The following OR8K3 variants were observed in gnomAD, a reference collection of about 807,000 sequenced individuals.
OR8K3 encodes olfactory receptor 8K3.
For missense variants in OR8K3, 448 were observed against 367.4 expected, an observed-to-expected ratio of 1.22 and a Z score of -1.79; for synonymous variants, 167 against 138.8, an observed-to-expected ratio of 1.20 and a Z score of -1.43.
chr11:56,315,782 G>GAAA (rs142694640), intron 1 of OR8K3, among the ~76,000 whole-genome samples: 19 of 147,272 alleles, frequency 1.3e-4, no homozygotes, highest in African/African-American at 4.5e-4. Context: ...CATAGGCACA[G>GAAA]AAAAAAAAAA....
rs575356334 is a variant in OR8K3 at position 56,318,533 on chromosome 11, C to G, written c.227C>G (p.Thr76Ser). The change falls in exon 3 of 3, where the codon ACT (threonine) becomes AGT (serine). Residue 76 changes from threonine to serine, a missense_variant. Transcript: ENST00000641662. Reference protein sequence around the residue: ...LAFMDLGYSTTVGPKMLVNFV... With the variant: ...LAFMDLGYSTSVGPKMLVNFV... The stretch of plus-strand genomic sequence containing the variant: ...TTCATGGATCTTGGTTATTCAACAA[C>G]TGTGGGACCCAAAATGTTAGTAAAT... The G allele has an allele frequency of 6.2e-7, 1 of 1,613,622 alleles. No homozygotes were observed. The highest frequency in any genetic ancestry group is 8.5e-7 in the Non-Finnish European group (1 of 1,179,716).
rs774989251 is a variant in OR8K3, at chr11:56,318,719, G to C, written c.413G>C (p.Arg138Pro). The C allele has an allele frequency of 4.3e-6, 7 of 1,613,784 alleles. No individual in the cohort carries two copies. The highest frequency in any genetic ancestry group is 4.5e-5 in the East Asian group (2 of 44,896). Residue 138 changes from arginine to proline, a missense_variant, in exon 3 of 3, where the codon CGA (arginine) becomes CCA (proline). Transcript: ENST00000641662. ...NPLLYTVIMS[R>P]RVCQVLVAIP... is the part of the protein sequence containing the mutation. The stretch of plus-strand genomic sequence containing the variant: ...CTGCTATACACAGTAATCATGTCAC[G>C]AAGGGTATGTCAGGTGCTGGTAGCA...
rs1412768583 is a variant in OR8K3 at position 56,318,694 on chromosome 11, C to A, written c.388C>A (p.Leu130Met). 6.2e-7 allele frequency: 1 copy of A among 1,613,938 alleles called. No individual in the cohort carries two copies. Among genetic ancestry groups the A allele is most frequent in the Admixed American group, 1.7e-5 (1 of 59,990 alleles). The change falls in exon 3 of 3, where the codon CTG (leucine) becomes ATG (methionine). Residue 130 changes from leucine (L) to methionine (M), a missense_variant. Coordinates refer to ENST00000641662, the MANE Select transcript of OR8K3 (RefSeq NM_001005202.2). ...YDLYVAICNPLLYTVIMSRRV... is the reference protein window; with the variant it reads ...YDLYVAICNPMLYTVIMSRRV... ...CCTCTATGTGGCCATCTGTAACCCTCTGCTATACACAGTAATCATGTCACG... is the reference window on the plus strand; with the variant it reads ...CCTCTATGTGGCCATCTGTAACCCTATGCTATACACAGTAATCATGTCACG...
At chr11:56,318,156 G>T in intron 2 of OR8K3, 128 bp from the exon 3 acceptor site, 1 of 546,292 alleles carries the variant, frequency 1.8e-6, no homozygotes, top group Non-Finnish European at 3.2e-6. Flanking sequence ...GTTTTTATTT[G>T]TGAGAGGTAT....
Position 56,318,350 on chromosome 11 carries a change from C to A in OR8K3, c.44C>A (p.Thr15Lys). The stretch of plus-strand genomic sequence containing the variant: ...ACAACGGTGAATGAATTCATTCTTA[C>A]GGGAATCACAGATATCGCTGAGCTG... ...NLTTVNEFIL[T>K]GITDIAELQA... Residue 15 changes from threonine (T) to lysine (K), a missense_variant, in exon 3 of 3, where the codon ACG (threonine) becomes AAG (lysine). Thr to Lys is a moderately conservative substitution (Grantham distance 78). Coordinates refer to ENST00000641662, the MANE Select transcript of OR8K3 (RefSeq NM_001005202.2). 6.2e-7 allele frequency: 1 copy of A among 1,613,650 alleles called. No individual in the cohort carries two copies. The highest frequency in any genetic ancestry group is 8.5e-7 in the Non-Finnish European group (1 of 1,179,712).
Position 56,319,605 on chromosome 11 carries a change from A to G in OR8K3, c.*360A>G. The G allele has an allele frequency of 5.3e-6, 1 of 190,326 alleles. No individual in the cohort carries two copies. The highest frequency in any genetic ancestry group is 1.2e-4 in the South Asian group (1 of 8,004). 11.8% of individuals were successfully genotyped at this position (190,326 alleles called of 1,614,324 possible). On this transcript the variant is annotated 3_prime_UTR_variant, in exon 3 of 3. Transcript: ENST00000641662. ...AGGATTCCAGTGTTTTTTATCTGCTACTGGAATAAAATTTACAGTGTGTGT... is the reference window on the plus strand; with the variant it reads ...AGGATTCCAGTGTTTTTTATCTGCTGCTGGAATAAAATTTACAGTGTGTGT...
Position 56,319,245 on chromosome 11 carries a change from A to T in OR8K3, c.939A>T (p.Ter313TyrextTer10). 6.5e-7 allele frequency: 1 copy of T among 1,526,980 alleles called. No individual in the cohort carries two copies. The highest frequency in any genetic ancestry group is 9.0e-7 in the Non-Finnish European group (1 of 1,105,684). 94.6% of individuals were successfully genotyped at this position (1,526,980 alleles called of 1,614,324 possible). A position where few individuals can be genotyped will look rare whatever the true frequency, so the allele number is the denominator to read the frequency against. The change falls in exon 3 of 3, where the codon TAA becomes TAT. Residue 313 changes from the stop codon to tyrosine (Y), a stop_lost. Transcript: ENST00000641662. ...ATAACTTATGTAATATTTTTGTTTA[A>T]ATTTTGTACAATATGATTCCTATAA... The part of the protein sequence containing the change: ...TWNNLCNIFV[*>Y]
chr11:56,316,540 C>T (rs541205090), intron 2 of OR8K3, among the ~76,000 whole-genome samples: 1 of 151,830 alleles, frequency 6.6e-6, no homozygotes, highest in Non-Finnish European at 1.5e-5. Flanking sequence ...TATATTTATT[C>T]GATTATACAT....
chr11:56,320,058 T>A lies in OR8K3; in HGVS notation c.*813T>A, dbSNP rs1056548037. ...GCCTTTTTCACAGATTTTCCCGTTA[T>A]TTATCTAAAAAAAAGTAATAAACTG... On this transcript the variant is annotated 3_prime_UTR_variant, in exon 3 of 3. Coordinates refer to ENST00000641662, the MANE Select transcript of OR8K3 (RefSeq NM_001005202.2). The A allele has an allele frequency of 2.6e-5, 4 of 152,180 alleles. No individual in the cohort carries two copies. Among genetic ancestry groups the A allele is most frequent in the African/African-American group, 9.7e-5 (4 of 41,440 alleles). The allele number at this position is 152,180 out of a possible 1,614,324, so 9.4% of individuals were successfully genotyped here. A position where few individuals can be genotyped will look rare whatever the true frequency, so the allele number is the denominator to read the frequency against.
chr11:56,319,041 AGTGGTCATAGT>A lies in OR8K3; in HGVS notation c.738_748del (p.Val247LeufsTer18). 6.2e-7 allele frequency: 1 copy of A among 1,614,114 alleles called. No homozygotes were observed. The highest frequency in any genetic ancestry group is 1.1e-5 in the South Asian group (1 of 91,080). On this transcript the variant is annotated frameshift_variant, in exon 3 of 3. Coordinates refer to ENST00000641662, the MANE Select transcript of OR8K3 (RefSeq NM_001005202.2). LOFTEE classifies it low-confidence loss of function (END_TRUNC). ...TTTCTACCTGTGGAGCCCACCTGACAGTGGTCATAGTGTTCTATGGGACTTTGCTTTTCATG... is the reference window on the plus strand; with the variant it reads ...TTTCTACCTGTGGAGCCCACCTGACAGTTCTATGGGACTTTGCTTTTCATG...
rs759302537 is a variant in OR8K3, at chr11:56,320,571, C to T, written c.*1326C>T. 2.0e-5 allele frequency: 3 copies of T among 152,166 alleles called. No homozygotes were observed. Among genetic ancestry groups the T allele is most frequent in the Non-Finnish European group, 4.4e-5 (3 of 68,036 alleles). The allele number at this position is 152,166 out of a possible 1,614,324, so 9.4% of individuals were successfully genotyped here. A position where few individuals can be genotyped will look rare whatever the true frequency, so the allele number is the denominator to read the frequency against. On this transcript the variant is annotated 3_prime_UTR_variant, in exon 3 of 3. Transcript: ENST00000641662. The stretch of plus-strand genomic sequence containing the variant: ...AATCCCATGTGCAGCCAAAGAAACA[C>T]TAATGAATATATCTCATTGGAATAA...
Position 56,320,623 on chromosome 11 carries a change from T to C in OR8K3, c.*1378T>C, listed in dbSNP as rs888850173. 1.3e-5 allele frequency: 2 copies of C among 152,214 alleles called. No homozygotes were observed. The highest frequency in any genetic ancestry group is 2.9e-5 in the Non-Finnish European group (2 of 68,028). The allele number at this position is 152,214 out of a possible 1,614,324, so 9.4% of individuals were successfully genotyped here. A position where few individuals can be genotyped will look rare whatever the true frequency, so the allele number is the denominator to read the frequency against. ...TTAAACATTGCATAGCACATTGTCA[T>C]GTGAGGATAAATATTACCATATTGT... On this transcript the variant is annotated 3_prime_UTR_variant, in exon 3 of 3. Transcript: ENST00000641662.
At position 56,316,002 on chromosome 11, in the gene OR8K3, C is replaced by T. The variant is rs569361557; in HGVS notation, c.-79C>T. On this transcript the variant is annotated splice_region_variant and 5_prime_UTR_variant, in exon 2 of 3. Coordinates refer to ENST00000641662, the MANE Select transcript of OR8K3 (RefSeq NM_001005202.2). ...AAGCAATCTGGTTCTTTCCACAGAA[C>T]TCCAAAGATGGTGAAAGGAACCTCA... 1 of 152,114 alleles carries T rather than the reference C, an allele frequency of 6.6e-6. No homozygotes were observed. The highest frequency in any genetic ancestry group is 2.4e-5 in the African/African-American group (1 of 41,548). The allele number at this position is 152,114 out of a possible 1,614,324, so 9.4% of individuals were successfully genotyped here. A position where few individuals can be genotyped will look rare whatever the true frequency, so the allele number is the denominator to read the frequency against.
chr11:56,318,248 G>C, intron 2 of OR8K3, 36 bp from the exon 3 acceptor site: 1 of 1,228,338 alleles, frequency 8.1e-7, no homozygotes, highest in Non-Finnish European at 1.2e-6. Context: ...GGTGATGATA[G>C]AGGAAAGCTA....
rs114547977 is a variant in OR8K3, at chr11:56,319,386, T to C, written c.*141T>C. 1,500 of 593,504 alleles carry C rather than the reference T, an allele frequency of 2.5e-3. 9 individuals carry two copies. Among genetic ancestry groups the C allele is most frequent in the African/African-American group, 0.025 (1,323 of 53,964 alleles). 36.8% of individuals were successfully genotyped at this position (593,504 alleles called of 1,614,324 possible). A position where few individuals can be genotyped will look rare whatever the true frequency, so the allele number is the denominator to read the frequency against. ...ACATGATAGGCTCTTCTAATTGCTA[T>C]ACATAGATTAATAAACAAAATAGTA... On this transcript the variant is annotated 3_prime_UTR_variant, in exon 3 of 3. Coordinates refer to ENST00000641662, the MANE Select transcript of OR8K3 (RefSeq NM_001005202.2).
At chr11:56,315,782 GA>G (rs142694640) in intron 1 of OR8K3, among the ~76,000 whole-genome samples, 20 of 147,272 alleles carry the variant, frequency 1.4e-4, no homozygotes, top group East Asian at 5.9e-4. Flanking sequence ...CATAGGCACA[GA>G]AAAAAAAAAC....
intron 2 of OR8K3, among the ~76,000 whole-genome samples, chr11:56,316,428 A>G (rs1246115981): frequency 9.8e-6 from 1 of 102,102 alleles, no homozygotes; most frequent in African/African-American, 3.6e-5. Flanking sequence ...ATTGGGGCTT[A>G]CGATTTTTTT....
At position 56,319,203 on chromosome 11, in the gene OR8K3, C is replaced by T; in HGVS notation, c.897C>T (p.Ala299=). Residue 299 remains alanine (A), a synonymous_variant, in exon 3 of 3, where the codon GCC becomes GCT. Transcript: ENST00000641662. ...TACGAAACAAAGATGTAAAATATGC[C>T]CTACGAAGGACATGGAATAACTTAT... ...YSLRNKDVKY[A]LRRTWNNLCN... 1.2e-6 allele frequency: 2 copies of T among 1,610,244 alleles called. No individual in the cohort carries two copies. The highest frequency in any genetic ancestry group is 1.7e-6 in the Non-Finnish European group (2 of 1,176,730).
At position 56,318,829 on chromosome 11, in the gene OR8K3, AG is replaced by A. The variant is rs754217009; in HGVS notation, c.524del (p.Ser175IlefsTer23). 1.1e-5 allele frequency: 18 copies of A among 1,613,982 alleles called. No individual in the cohort carries two copies. The highest frequency in any genetic ancestry group is 1.4e-5 in the Non-Finnish European group (17 of 1,179,936). On this transcript the variant is annotated frameshift_variant, in exon 3 of 3. Coordinates refer to ENST00000641662, the MANE Select transcript of OR8K3 (RefSeq NM_001005202.2). LOFTEE classifies it low-confidence loss of function (END_TRUNC). Reference protein sequence around the residue: ...TLSFCGYNVISHFYCDSLPLL... With the variant: ...TLSFCGYNVIXHFYCDSLPLL... The stretch of plus-strand genomic sequence containing the variant: ...ATCCTTCTGTGGCTACAACGTCATT[AG>A]TCATTTCTACTGTGACAGTCTCCCT...
Sources: gnomAD v4.1 joint callset for allele counts (sites outside exome capture counted in the v4.1 genomes callset) on GRCh38, gnomAD v4.1.1 for gene constraint, MANE v1.5 for transcripts, NCBI Gene and HGNC (gene_info 2026-07-23, HGNC 2026-07-21) for gene names.